MCTP1: variants seen among roughly 807,000 people sequenced by gnomAD.
MCTP1 encodes multiple C2 and transmembrane domain containing 1.
In MCTP1, 69 loss-of-function variants were observed where a neutral mutation model predicts 120.6. The observed-to-expected ratio is 0.57, with a 90% CI of 0.47 to 0.70. The LOEUF (loss-of-function observed/expected upper bound fraction) is 0.70, where lower values mean the gene tolerates loss of function less well. Ranked by LOEUF, MCTP1 falls within the 30% of genes least tolerant of loss-of-function variation. The pLI is 0.00. For synonymous variants in MCTP1, 529 were observed against 493.1 expected, an observed-to-expected ratio of 1.07 and a Z score of -0.96; for missense variants, 1,203 against 1,248.8, an observed-to-expected ratio of 0.96 and a Z score of 0.55.
rs1213327057 is a variant in MCTP1 at position 95,091,515 on chromosome 5, GC to G, written c.721-74032del. 2.2e-4 allele frequency among the ~76,000 whole-genome samples: 33 copies of G among 152,248 alleles called. No homozygotes were observed. The South Asian group carries it at 6.8e-3, about 32-fold the overall frequency. ...AGGCTAGAACATAAAAGGTTGTGCA[GC>G]TACCCCCTTGCTCAGTGGAACAGTC... On this transcript the variant is annotated intron_variant, in intron 1 of 22. Transcript: ENST00000515393.
chr5:95,081,858 C>G (rs1754986728), intron 1 of MCTP1: 5 of 1,002,464 alleles, frequency 5.0e-6, no homozygotes, highest in Non-Finnish European at 4.8e-6. Context: ...TAGTCAACCT[C>G]TTCCTCATGG....
chr5:95,199,907 C>T (rs1032625284), intron 1 of MCTP1, among the ~76,000 whole-genome samples: 15 of 148,226 alleles, frequency 1.0e-4, no homozygotes, highest in South Asian at 2.1e-4. Flanking sequence ...ATGCCTGTAA[C>T]CCCAGCACTC....
intron 6 of MCTP1, chr5:94,929,796 T>C (rs530264259): frequency 5.1e-6 from 2 of 395,870 alleles, no homozygotes; most frequent in Admixed American, 6.4e-5. Flanking sequence ...TAGATGAATA[T>C]GGCAAATGTT....
chr5:95,239,818 A>G (rs1161584351), intron 1 of MCTP1, among the ~76,000 whole-genome samples: 1 of 152,164 alleles, frequency 6.6e-6, no homozygotes, highest in East Asian at 1.9e-4. Context: ...TCTTCATTTT[A>G]TTATACCACT....
At chr5:94,958,593 C>T (rs1196554360) in intron 2 of MCTP1, among the ~76,000 whole-genome samples, 1 of 152,194 alleles carries the variant, frequency 6.6e-6, no homozygotes, top group Non-Finnish European at 1.5e-5. Flanking sequence ...AGTATCACCA[C>T]TGATATCCCA....
intron 19 of MCTP1, among the ~76,000 whole-genome samples, chr5:94,768,099 A>AT (rs1773212002): frequency 1.3e-5 from 2 of 152,126 alleles, no homozygotes. Context: ...AAGTATATCC[A>AT]TATTTTTAAA....
chr5:94,826,216 T>G, intron 17 of MCTP1: 1 of 413,672 alleles, frequency 2.4e-6, no homozygotes, highest in Non-Finnish European at 4.6e-6. Flanking sequence ...TCTTATTGAT[T>G]TTGCTATAAC....
Position 95,027,271 on chromosome 5 carries a change from C to T in MCTP1, c.721-9787G>A, listed in dbSNP as rs149015872. ...GCCGCAATGGAAAGAAAAGCTTATG[C>T]TTGGTTCCAAGTAAATGTAAATCCC... On this transcript the variant is annotated intron_variant, in intron 1 of 22. Coordinates refer to ENST00000515393, the MANE Select transcript of MCTP1 (RefSeq NM_024717.7). Among the ~76,000 whole-genome samples the T allele has an allele frequency of 9.1e-4, 138 of 152,320 alleles. 1 individual carries two copies. The highest frequency in any genetic ancestry group is 1.8e-3 in the Non-Finnish European group (122 of 68,032).
intron 11 of MCTP1, 115 bp from the exon 12 acceptor site, chr5:94,889,087 C>CCTGCT: frequency 1.6e-6 from 1 of 609,698 alleles, no homozygotes; most frequent in Non-Finnish European, 2.8e-6. Context: ...GTAAGAAGAT[C>CCTGCT]AACATTAAAC....
In MCTP1 at chr5:95,048,381, C is replaced by A. The variant is rs565839440; in HGVS notation, c.721-30897G>T. ...AGAGGATTATAATGTCAATTTGTCA[C>A]TGGGATTAATTTCATAAAGAATTTA... On this transcript the variant is annotated intron_variant, in intron 1 of 22. Transcript: ENST00000515393. Among the ~76,000 whole-genome samples the A allele has an allele frequency of 2.0e-5, 3 of 152,174 alleles. No homozygotes were observed. In the South Asian group the frequency reaches 6.2e-4, roughly 31 times the overall value.
At chr5:95,189,869 C>A (rs1749639017) in intron 1 of MCTP1, among the ~76,000 whole-genome samples, 1 of 152,122 alleles carries the variant, frequency 6.6e-6, no homozygotes, top group Non-Finnish European at 1.5e-5. Flanking sequence ...ACATACCTGA[C>A]TTATCATATC....
chr5:95,233,675 A>G (rs1165377850), intron 1 of MCTP1, among the ~76,000 whole-genome samples: 2 of 152,208 alleles, frequency 1.3e-5, no homozygotes, highest in African/African-American at 4.8e-5. Flanking sequence ...GAATAAAACA[A>G]TCAGCATTAG....
At chr5:94,881,381 T>C (rs1387502638) in intron 12 of MCTP1, among the ~76,000 whole-genome samples, 1 of 152,178 alleles carries the variant, frequency 6.6e-6, no homozygotes, top group Non-Finnish European at 1.5e-5. Flanking sequence ...ATAAATCCCC[T>C]TCTGATTAAA....
intron 2 of MCTP1, among the ~76,000 whole-genome samples, chr5:94,963,358 T>TTTTA (rs1561935492): frequency 1.7e-4 from 16 of 94,950 alleles, no homozygotes; most frequent in Non-Finnish European, 3.7e-4. Context: ...AATTCTATTT[T>TTTTA]TTTTTTTTTT....
intron 1 of MCTP1, among the ~76,000 whole-genome samples, chr5:95,240,884 T>C (rs1359477440): frequency 6.6e-6 from 1 of 151,976 alleles, no homozygotes; most frequent in Non-Finnish European, 1.5e-5. Context: ...CGTATTTCCT[T>C]TTTTGTTGTC....
rs147904415 is a variant in MCTP1 at position 95,066,760 on chromosome 5, C to T, written c.721-49276G>A. 4.9e-4 allele frequency among the ~76,000 whole-genome samples: 75 copies of T among 152,286 alleles called. 2 individuals are homozygous for T. In the Middle Eastern group the frequency reaches 0.014, roughly 28 times the overall value. On this transcript the variant is annotated intron_variant, in intron 1 of 22. Coordinates refer to ENST00000515393, the MANE Select transcript of MCTP1 (RefSeq NM_024717.7). ...GTCAGACACAGAAAAACAAATATTG[C>T]ATGATCTCACTTATGTGTGGAATCT... is the stretch of plus-strand genomic sequence containing the variant.
At chr5:94,938,620 T>C (rs1202119166) in intron 5 of MCTP1, among the ~76,000 whole-genome samples, 1 of 152,076 alleles carries the variant, frequency 6.6e-6, no homozygotes, top group Non-Finnish European at 1.5e-5. Flanking sequence ...TTTAAAACAG[T>C]TGTTTCCATC....
chr5:95,017,669 A>G (rs1002187272), intron 1 of MCTP1, among the ~76,000 whole-genome samples, 185 bp from the exon 2 acceptor site: 1 of 152,156 alleles, frequency 6.6e-6, no homozygotes, highest in African/African-American at 2.4e-5. Flanking sequence ...GAAATTCTTT[A>G]GACTCAAAAA....
chr5:94,871,492 A>G lies in MCTP1; in HGVS notation c.2037-75T>C, dbSNP rs191399605. 1.0e-4 allele frequency: 99 copies of G among 960,814 alleles called. No homozygotes were observed. In the East Asian group the frequency reaches 2.4e-3, roughly 23 times the overall value. 59.5% of individuals were successfully genotyped at this position (960,814 alleles called of 1,614,324 possible). ...ACAACAAGAATAGTTTTGAAAATTT[A>G]GATAGCTCCAGCTGATTTTGTGTGT... On this transcript the variant is annotated intron_variant, in intron 13 of 22. Coordinates refer to ENST00000515393, the MANE Select transcript of MCTP1 (RefSeq NM_024717.7).
Sources: gnomAD v4.1 joint callset for allele counts (sites outside exome capture counted in the v4.1 genomes callset) on GRCh38, gnomAD v4.1.1 for gene constraint, MANE v1.5 for transcripts, NCBI Gene and HGNC (gene_info 2026-07-23, HGNC 2026-07-21) for gene names.